CXCL12: variants seen among roughly 807,000 people sequenced by gnomAD.
CXCL12 encodes the protein stromal cell-derived factor 1.
A neutral mutation model predicts 10.7 loss-of-function variants in CXCL12; 4 were observed. The ratio of observed to expected loss-of-function variants is 0.37; its 90% CI spans 0.18 to 0.86. The LOEUF (loss-of-function observed/expected upper bound fraction) is 0.86. Among genes scored for constraint, CXCL12 ranks in the 40% least tolerant of loss-of-function variants. The pLI is 0.43. For missense variants in CXCL12, 122 were observed against 110.4 expected (o/e 1.10, Z -0.47); for synonymous variants, 54 against 45.4 (o/e 1.19, Z -0.77).
chr10:44,378,676 A>C lies in CXCL12; in HGVS notation c.227T>G (p.Leu76Arg). The change falls in exon 3 of 3, where the codon CTA (leucine) becomes CGA (arginine). Residue 76 changes from leucine to arginine, a missense_variant. Transcript: ENST00000343575. ...NNRQVCIDPK[L>R]KWIQEYLEKA... Reference sequence around the variant, plus strand: ...CTCCAGGTACTCCTGAATCCACTTTAGCTTCGGGTCAATGCACACTTGTCT... The same window carrying C: ...CTCCAGGTACTCCTGAATCCACTTTCGCTTCGGGTCAATGCACACTTGTCT... The C allele has an allele frequency of 6.2e-7, 1 of 1,614,188 alleles. No individual in the cohort carries two copies. The highest frequency in any genetic ancestry group is 1.3e-5 in the African/African-American group (1 of 75,026).
At chr10:44,379,608 G>A (rs369360866) in intron 2 of CXCL12, among the ~76,000 whole-genome samples, 92 of 152,280 alleles carry the variant, frequency 6.0e-4, no homozygotes, top group African/African-American at 2.1e-3. Flanking sequence ...GTGGCTCGGA[G>A]CAACCCACAT....
downstream of CXCL12, chr10:44,375,848 C>G: frequency 6.3e-7 from 1 of 1,578,666 alleles, no homozygotes; most frequent in Non-Finnish European, 8.6e-7. Flanking sequence ...CCTGCCCAGT[C>G]TGCATGGGGG....
chr10:44,373,056 GAA>G, downstream of CXCL12: 1 of 1,536,152 alleles, frequency 6.5e-7, no homozygotes, highest in Non-Finnish European at 8.7e-7. Context: ...TGGCTCCGTG[GAA>G]AGACACTCTA....
downstream of CXCL12, chr10:44,374,099 G>A: frequency 3.5e-6 from 1 of 288,090 alleles, no homozygotes. Context: ...AAGACATCAA[G>A]ACAGGACGGA....
chr10:44,372,086 TGAA>T (rs1308072671), downstream of CXCL12: 1 of 152,218 alleles, frequency 6.6e-6, no homozygotes, highest in African/African-American at 2.4e-5. Context: ...TGCCAAATGG[TGAA>T]GAAGATGAGG....
rs868071509 is a variant in CXCL12 at position 44,384,945 on chromosome 10, C to G, written c.61G>C (p.Gly21Arg). The G allele has an allele frequency of 7.1e-7, 1 of 1,398,784 alleles. No homozygotes were observed. The highest frequency in any genetic ancestry group is 4.0e-5 in the East Asian group (1 of 24,936). 86.6% of individuals were successfully genotyped at this position (1,398,784 alleles called of 1,614,324 possible). ...GGGCCTCCCCGCCGAGCGCACTTAC[C>G]GTCGCTGAGGCAGAGCGCGGTCAGC... The part of the protein sequence containing the change: ...LVLTALCLSD[G>R]KPVSLSYRCP... Residue 21 changes from glycine to arginine, a missense_variant and splice_region_variant, in exon 1 of 3, where the codon GGG (glycine) becomes CGG (arginine). Transcript: ENST00000343575.
chr10:44,374,543 T>G (rs764226622), downstream of CXCL12: 1 of 455,666 alleles, frequency 2.2e-6, no homozygotes, highest in Non-Finnish European at 4.4e-6. Flanking sequence ...GCCAGGAGAG[T>G]TGTCCAGGTA....
At chr10:44,384,763 C>T (rs1839745503) in intron 1 of CXCL12, among the ~76,000 whole-genome samples, 182 bp downstream of exon 1, 1 of 152,246 alleles carries the variant, frequency 6.6e-6, no homozygotes, top group African/African-American at 2.4e-5. Flanking sequence ...CACAAACCCT[C>T]GGCGCAAAAG....
chr10:44,374,613 A>G (rs1839403324), downstream of CXCL12: 1 of 456,056 alleles, frequency 2.2e-6, no homozygotes, highest in Non-Finnish European at 4.4e-6. Context: ...CACCTCCCCA[A>G]CGAGGAGAAG....
At chr10:44,373,223 T>C, downstream of CXCL12, 2 of 1,555,674 alleles carry the variant, frequency 1.3e-6, no homozygotes, top group South Asian at 1.2e-5. Flanking sequence ...CCCTTGGCAA[T>C]GCCTGGGGCC....
At chr10:44,375,272 T>C (rs1188323881), downstream of CXCL12, among the ~76,000 whole-genome samples, 3 of 152,206 alleles carry the variant, frequency 2.0e-5, no homozygotes, top group Non-Finnish European at 4.4e-5. Flanking sequence ...CCCACACAGT[T>C]TGCAGAAACC....
At chr10:44,372,825 G>T, downstream of CXCL12, 1 of 1,489,514 alleles carries the variant, frequency 6.7e-7, no homozygotes, top group East Asian at 2.5e-5. Context: ...CCATGTGGAT[G>T]GAGAAGGGGG....
At chr10:44,370,605 G>A (rs1404595706) in exon 4 of CXCL12, 1 of 152,194 alleles carries the variant, frequency 6.6e-6, no homozygotes, top group Admixed American at 6.5e-5. Context: ...CCTGGGAAAG[G>A]CGATCAACTC....
chr10:44,373,167 C>G, downstream of CXCL12: 1 of 1,538,396 alleles, frequency 6.5e-7, no homozygotes, highest in South Asian at 1.2e-5. Flanking sequence ...ATGTATTTTG[C>G]TACATAATCA....
chr10:44,371,409 G>T (rs1414808793), downstream of CXCL12: 1 of 451,966 alleles, frequency 2.2e-6, no homozygotes, highest in Admixed American at 2.5e-5. Flanking sequence ...CCTGGATAAT[G>T]ACTGCCCCAC....
At chr10:44,379,692 T>C (rs1303145162) in intron 2 of CXCL12, among the ~76,000 whole-genome samples, 1 of 138,736 alleles carries the variant, frequency 7.2e-6, no homozygotes, top group Non-Finnish European at 1.6e-5. Context: ...TTTGGCATCT[T>C]CAACTTCAAG....
rs749019371 is a variant in CXCL12 at position 44,377,798 on chromosome 10, C to T, written c.*835G>A. 3.6e-5 allele frequency: 57 copies of T among 1,598,002 alleles called. No individual in the cohort carries two copies. The highest frequency in any genetic ancestry group is 6.7e-5 in the African/African-American group (5 of 74,924). ...GCTCCATTCTGGAGGAGGCCAAAGA[C>T]GGATCTCACAGAGGGCCCGAGCTGT... On this transcript the variant is annotated 3_prime_UTR_variant, in exon 3 of 3. Transcript: ENST00000343575.
At chr10:44,373,211 A>C (rs1839359968), downstream of CXCL12, 2 of 1,549,980 alleles carry the variant, frequency 1.3e-6, no homozygotes, top group Middle Eastern at 1.7e-4. Context: ...TGCAAAACAA[A>C]GCCCTTGGCA....
downstream of CXCL12, chr10:44,373,132 T>C (rs781426752): frequency 8.5e-6 from 13 of 1,533,964 alleles, no homozygotes; most frequent in Non-Finnish European, 1.1e-5. Context: ...CACTGAATAA[T>C]CAAACTAAAT....
Sources: allele counts gnomAD v4.1 joint callset (sites outside exome capture counted in the v4.1 genomes callset), GRCh38; gene constraint gnomAD v4.1.1; transcripts MANE v1.5; gene names NCBI Gene and HGNC (gene_info 2026-07-23, HGNC 2026-07-21).